The following BST1 variants were observed in gnomAD, a reference collection of about 807,000 sequenced individuals.
BST1 encodes bone marrow stromal cell antigen 1, also known as ADP-ribosyl cyclase/cyclic ADP-ribose hydrolase 2.
A neutral mutation model predicts 40.6 loss-of-function variants in BST1; 49 were observed. The ratio of observed to expected loss-of-function variants is 1.21; its 90% CI spans 0.96 to 1.53. The LOEUF is 1.53. BST1 is among the 40% of genes most tolerant of loss of function. The probability of loss-of-function intolerance (pLI) is 0.00; values close to 1 mark genes in which losing one functional copy is unlikely to be tolerated. For missense variants in BST1, 423 were observed against 395.9 expected, an observed-to-expected ratio of 1.07 and a Z score of -0.58; for synonymous variants, 157 against 159.3, an observed-to-expected ratio of 0.99 and a Z score of 0.11.
At chr4:15,722,688 C>T (rs1292323932) in intron 7 of BST1, among the ~76,000 whole-genome samples, 187 bp from the exon 8 acceptor site, 2 of 151,492 alleles carry the variant, frequency 1.3e-5, no homozygotes, top group East Asian at 1.9e-4. Flanking sequence ...CTGCCTCAAC[C>T]TCCCAAAGTG....
downstream of BST1, chr4:15,737,719 C>T: frequency 8.6e-7 from 1 of 1,164,270 alleles, no homozygotes; most frequent in Non-Finnish European, 1.1e-6. Flanking sequence ...TACCAGGTAC[C>T]TTACACTTGG....
the BST1 span, among the ~76,000 whole-genome samples, chr4:15,745,582 G>A: frequency 1.3e-5 from 2 of 152,164 alleles, no homozygotes; most frequent in Non-Finnish European, 2.9e-5. Flanking sequence ...TTGTTCTTGA[G>A]GTCATTCAAA....
the BST1 span, among the ~76,000 whole-genome samples, chr4:15,749,201 G>A: frequency 1.3e-5 from 2 of 152,196 alleles, no homozygotes; most frequent in Admixed American, 1.3e-4. Flanking sequence ...CCGTGTGGGG[G>A]CAGAACAGGT....
chr4:15,703,262 A>G lies in BST1; in HGVS notation c.118A>G (p.Ser40Gly), dbSNP rs1471784060. ...ARARWRGEGT[S>G]AHLRDIFLGR... Reference sequence around the variant, plus strand: ...CGCGCGGTGGCGCGGGGAGGGCACCAGCGCACACTTGCGGGACATCTTCCT... The same window carrying G: ...CGCGCGGTGGCGCGGGGAGGGCACCGGCGCACACTTGCGGGACATCTTCCT... Residue 40 changes from serine to glycine, a missense_variant, in exon 1 of 9, where the codon AGC (serine) becomes GGC (glycine). Transcript: ENST00000265016. 8 of 1,540,224 alleles carry G rather than the reference A, an allele frequency of 5.2e-6. No homozygotes were observed. Among genetic ancestry groups the G allele is most frequent in the Non-Finnish European group, 7.0e-6 (8 of 1,146,922 alleles).
At chr4:15,726,092 G>T (rs114376872) in intron 8 of BST1, among the ~76,000 whole-genome samples, 4,072 of 148,332 alleles carry the variant, frequency 0.027, 190 homozygotes, top group African/African-American at 0.096. Context: ...CTCCCAAACA[G>T]CTGGGGATAC....
In BST1 at chr4:15,707,605, T is replaced by C; in HGVS notation, c.410T>C (p.Val137Ala). The C allele has an allele frequency of 1.9e-6, 3 of 1,614,056 alleles. No individual in the cohort carries two copies. Among genetic ancestry groups the C allele is most frequent in the South Asian group, 1.1e-5 (1 of 91,080 alleles). ...CTGAGCGATGTTCTGTATGGCAGGG[T>C]TGCAGATTTCTTGAGCTGGTGTCGA... is the stretch of plus-strand genomic sequence containing the variant. ...MPLSDVLYGR[V>A]ADFLSWCRQK... The change falls in exon 3 of 9, where the codon GTT becomes GCT. Residue 137 changes from valine to alanine, a missense_variant. Coordinates refer to ENST00000265016, the MANE Select transcript of BST1 (RefSeq NM_004334.3).
chr4:15,714,269 C>T (rs550421181), intron 4 of BST1, among the ~76,000 whole-genome samples: 13 of 152,214 alleles, frequency 8.5e-5, no homozygotes, highest in South Asian at 6.2e-4. Flanking sequence ...GCCACCTATA[C>T]GTCAGTGCCA....
intron 6 of BST1, among the ~76,000 whole-genome samples, chr4:15,718,626 G>A (rs1720638473): frequency 6.6e-6 from 1 of 152,230 alleles, no homozygotes; most frequent in African/African-American, 2.4e-5. Flanking sequence ...GGGACAGACT[G>A]CACAGGTGGC....
At chr4:15,711,005 G>T (rs921128333) in intron 3 of BST1, among the ~76,000 whole-genome samples, 3 of 152,024 alleles carry the variant, frequency 2.0e-5, no homozygotes, top group African/African-American at 7.2e-5. Flanking sequence ...GGCTAGTCTG[G>T]TCTTGAACTC....
chr4:15,730,492 C>T (rs1721318567), intron 8 of BST1, among the ~76,000 whole-genome samples: 1 of 152,142 alleles, frequency 6.6e-6, no homozygotes, highest in Admixed American at 6.5e-5. Flanking sequence ...AAGAATTCAT[C>T]CACAAGGAAG....
At chr4:15,746,815 C>T in the BST1 span, among the ~76,000 whole-genome samples, 4 of 152,182 alleles carry the variant, frequency 2.6e-5, no homozygotes, top group Admixed American at 2.6e-4. Context: ...GGGCTAGGGA[C>T]ATGATCACAG....
the BST1 span, among the ~76,000 whole-genome samples, chr4:15,752,489 A>G: frequency 6.6e-6 from 1 of 151,238 alleles, no homozygotes; most frequent in Non-Finnish European, 1.5e-5. Flanking sequence ...CCCGGGTTCC[A>G]GTGATTCTCC....
At chr4:15,737,161 G>A (rs1721599968), downstream of BST1, among the ~76,000 whole-genome samples, 1 of 152,184 alleles carries the variant, frequency 6.6e-6, no homozygotes, top group African/African-American at 2.4e-5. Flanking sequence ...ACAGTGCCAG[G>A]AGTATAGTAG....
intron 3 of BST1, among the ~76,000 whole-genome samples, chr4:15,710,187 T>C (rs1011023807): frequency 6.6e-6 from 1 of 151,982 alleles, no homozygotes; most frequent in East Asian, 1.9e-4. Flanking sequence ...TTGCCCAGGC[T>C]GGTCTTGAAC....
the BST1 span, among the ~76,000 whole-genome samples, chr4:15,761,940 C>T: frequency 6.6e-6 from 1 of 151,798 alleles, no homozygotes; most frequent in Non-Finnish European, 1.5e-5. Flanking sequence ...TGGCTCATGC[C>T]TGTAATCCCA....
At chr4:15,736,273 A>G, downstream of BST1, 1 of 424,402 alleles carries the variant, frequency 2.4e-6, no homozygotes, top group Non-Finnish European at 3.9e-6. Flanking sequence ...CTCTTGCTCA[A>G]AATCAGCAAT....
rs773592677 is a variant in BST1 at position 15,714,757 on chromosome 4, G to A, written c.535-528G>A. 6.6e-5 allele frequency among the ~76,000 whole-genome samples: 10 copies of A among 152,170 alleles called. No homozygotes were observed. The East Asian group carries it at 9.6e-4, about 15-fold the overall frequency. On this transcript the variant is annotated intron_variant, in intron 4 of 8. Coordinates refer to ENST00000265016, the MANE Select transcript of BST1 (RefSeq NM_004334.3). Reference sequence around the variant, plus strand: ...CCCTGCCTCATGAAATTATTTACACGTGACTTACACTGGCCAATCAGTTGC... The same window carrying A: ...CCCTGCCTCATGAAATTATTTACACATGACTTACACTGGCCAATCAGTTGC...
chr4:15,760,682 A>ATATT, the BST1 span, among the ~76,000 whole-genome samples: 124 of 150,602 alleles, frequency 8.2e-4, 3 homozygotes, highest in African/African-American at 1.7e-3. Flanking sequence ...TATATACTAT[A>ATATT]TATTTATTTA....
chr4:15,744,497 C>T, the BST1 span, among the ~76,000 whole-genome samples: 2 of 152,186 alleles, frequency 1.3e-5, no homozygotes, highest in Non-Finnish European at 2.9e-5. Flanking sequence ...CCCCCATAAT[C>T]CAATCACCTC....
Sources: allele counts gnomAD v4.1 joint callset (sites outside exome capture counted in the v4.1 genomes callset), GRCh38; gene constraint gnomAD v4.1.1; transcripts MANE v1.5; gene names NCBI Gene and HGNC (gene_info 2026-07-23, HGNC 2026-07-21).